CSMD1: variants seen among roughly 807,000 people sequenced by gnomAD.
CSMD1 encodes CUB and Sushi multiple domains 1.
A neutral mutation model predicts 417.5 loss-of-function variants in CSMD1; 213 were observed. That is an observed-to-expected ratio of 0.51 (90% CI 0.46 to 0.57). CSMD1 has a LOEUF of 0.57. Ranked by LOEUF, CSMD1 falls within the 20% of genes least tolerant of loss-of-function variation. CSMD1 has a pLI of 0.00. For synonymous variants in CSMD1, 2,862 were observed against 1,736.8 expected, an observed-to-expected ratio of 1.65 and a Z score of -16.11; for missense variants, 6,923 against 4,529.7, an observed-to-expected ratio of 1.53 and a Z score of -15.17.
rs1234360138 is a variant in CSMD1, at chr8:4,958,941, G to T, written c.85+35391C>A. ...GAAAAAAATATAAGCAGCTGCCTTTGCTTCCTTAGGTCTTGTGAGAATTAC... is the reference window on the plus strand; with the variant it reads ...GAAAAAAATATAAGCAGCTGCCTTTTCTTCCTTAGGTCTTGTGAGAATTAC... On this transcript the variant is annotated intron_variant, in intron 1 of 69. Coordinates refer to ENST00000635120, the MANE Select transcript of CSMD1 (RefSeq NM_033225.6). 3.3e-5 allele frequency among the ~76,000 whole-genome samples: 5 copies of T among 152,228 alleles called. No homozygotes were observed. The East Asian group carries it at 5.8e-4, about 18-fold the overall frequency.
At chr8:4,658,896 C>G (rs1229508040) in intron 1 of CSMD1, among the ~76,000 whole-genome samples, 1 of 151,954 alleles carries the variant, frequency 6.6e-6, no homozygotes, top group Non-Finnish European at 1.5e-5. Context: ...CACAACTTTT[C>G]TATGTTATTG....
chr8:3,988,171 T>A (rs1814479229), intron 5 of CSMD1, among the ~76,000 whole-genome samples: 1 of 152,116 alleles, frequency 6.6e-6, no homozygotes, highest in Non-Finnish European at 1.5e-5. Flanking sequence ...GAAAACTAAA[T>A]CAGAGTCTCT....
chr8:3,698,974 C>T (rs1034887596), intron 7 of CSMD1, among the ~76,000 whole-genome samples: 13 of 152,166 alleles, frequency 8.5e-5, no homozygotes, highest in African/African-American at 2.4e-4. Flanking sequence ...GATGAAGGTC[C>T]TCACTCCATT....
At position 3,007,713 on chromosome 8, in the gene CSMD1, C is replaced by G. The variant is rs189206226; in HGVS notation, c.8030-7582G>C. On this transcript the variant is annotated intron_variant, in intron 52 of 69. Transcript: ENST00000635120. ...GCATATTCTCACTCATAGGTGGGAA[C>G]TGAACAGTGAGATCACATGGACACA... Among the ~76,000 whole-genome samples, 102 of 142,550 alleles carry G rather than the reference C, an allele frequency of 7.2e-4. 1 individual carries two copies. The highest frequency in any genetic ancestry group is 2.6e-3 in the African/African-American group (99 of 38,320). 93.5% of individuals were successfully genotyped at this position (142,550 alleles called of 152,430 possible). A position where few individuals can be genotyped will look rare whatever the true frequency, so the allele number is the denominator to read the frequency against.
chr8:4,069,860 C>T (rs1585246953), intron 3 of CSMD1, among the ~76,000 whole-genome samples: 1 of 152,078 alleles, frequency 6.6e-6, no homozygotes, highest in South Asian at 2.1e-4. Context: ...AGTCTTCTAT[C>T]CGGTACTGCA....
At chr8:3,335,406 G>T (rs1430739619) in intron 23 of CSMD1, among the ~76,000 whole-genome samples, 4 of 152,190 alleles carry the variant, frequency 2.6e-5, no homozygotes, top group African/African-American at 7.2e-5. Flanking sequence ...GGCCAGGCAT[G>T]GTGGCTCACG....
At position 4,101,386 on chromosome 8, in the gene CSMD1, G is replaced by C. The variant is rs574336517; in HGVS notation, c.416-69287C>G. On this transcript the variant is annotated intron_variant, in intron 3 of 69. Coordinates refer to ENST00000635120, the MANE Select transcript of CSMD1 (RefSeq NM_033225.6). ...ACATTCCATCTGGGGCCCTGACAAC[G>C]ATCCCACTCAGGTTGGTTGGGCAGG... Among the ~76,000 whole-genome samples the C allele has an allele frequency of 2.0e-5, 3 of 152,208 alleles. No homozygotes were observed. The East Asian group carries it at 5.8e-4, about 29-fold the overall frequency.
chr8:4,316,748 G>C (rs1480371441), intron 3 of CSMD1, among the ~76,000 whole-genome samples: 2 of 152,082 alleles, frequency 1.3e-5, no homozygotes, highest in East Asian at 3.9e-4. Context: ...ATAAGAAAGT[G>C]GTCGAACGCC....
chr8:4,451,820 C>G (rs1799164378), intron 2 of CSMD1, among the ~76,000 whole-genome samples: 1 of 151,952 alleles, frequency 6.6e-6, no homozygotes, highest in Non-Finnish European at 1.5e-5. Context: ...GGGCTCTTAC[C>G]ACAGTGAGTT....
chr8:3,475,385 C>T (rs7005050), intron 11 of CSMD1, among the ~76,000 whole-genome samples: 89,765 of 151,958 alleles, frequency 0.59, 27,184 homozygotes, highest in Middle Eastern at 0.73. Context: ...TATAAATTAA[C>T]CTACACTGTA....
chr8:4,217,431 T>C (rs911909391), intron 3 of CSMD1, among the ~76,000 whole-genome samples: 1 of 152,146 alleles, frequency 6.6e-6, no homozygotes, highest in Non-Finnish European at 1.5e-5. Flanking sequence ...ATAATGGTGA[T>C]ATAAGACACG....
At chr8:4,417,117 A>G (rs1441876246) in intron 3 of CSMD1, among the ~76,000 whole-genome samples, 1 of 152,092 alleles carries the variant, frequency 6.6e-6, no homozygotes, top group Non-Finnish European at 1.5e-5. Context: ...TAATTTGAAT[A>G]TATACACTTA....
At chr8:4,462,795 T>G (rs577995380) in intron 2 of CSMD1, among the ~76,000 whole-genome samples, 20 of 150,256 alleles carry the variant, frequency 1.3e-4, no homozygotes, top group African/African-American at 5.1e-4. Flanking sequence ...GGGTACCCCT[T>G]CCTTACACTA....
intron 1 of CSMD1, among the ~76,000 whole-genome samples, chr8:4,674,928 C>G (rs769510810): frequency 6.6e-6 from 1 of 152,080 alleles, no homozygotes; most frequent in Non-Finnish European, 1.5e-5. Flanking sequence ...AGAAGAGATG[C>G]TAGAGAGGCT....
intron 6 of CSMD1, among the ~76,000 whole-genome samples, chr8:3,743,088 G>A (rs931434290): frequency 8.5e-5 from 13 of 152,140 alleles, no homozygotes; most frequent in African/African-American, 1.4e-4. Flanking sequence ...CCATCTCACT[G>A]CTGGATAAAC....
intron 50 of CSMD1, among the ~76,000 whole-genome samples, chr8:3,049,077 A>G (rs1811646804): frequency 6.6e-6 from 1 of 152,174 alleles, no homozygotes; most frequent in Non-Finnish European, 1.5e-5. Context: ...AGACACTGAT[A>G]GCACCAGATG....
rs183756269 is a variant in CSMD1, at chr8:3,383,079, G to C, written c.2782+4415C>G. 6.3e-5 allele frequency among the ~76,000 whole-genome samples: 9 copies of C among 143,000 alleles called. No homozygotes were observed. The East Asian group carries it at 1.8e-3, about 28-fold the overall frequency. 93.8% of individuals were successfully genotyped at this position (143,000 alleles called of 152,430 possible). ...GCCAGATTGGAGAAGAAATGGATCT[G>C]GACACTACATCGTTCCTTACCACAA... On this transcript the variant is annotated intron_variant, in intron 18 of 69. Coordinates refer to ENST00000635120, the MANE Select transcript of CSMD1 (RefSeq NM_033225.6).
At chr8:4,561,690 A>T (rs535609048) in intron 2 of CSMD1, among the ~76,000 whole-genome samples, 1 of 152,330 alleles carries the variant, frequency 6.6e-6, no homozygotes, top group East Asian at 1.9e-4. Context: ...AAAAGAAGAA[A>T]AAAAGAGAGA....
intron 5 of CSMD1, among the ~76,000 whole-genome samples, chr8:3,990,848 G>A (rs1038550092): frequency 1.3e-5 from 2 of 152,150 alleles, no homozygotes; most frequent in Non-Finnish European, 2.9e-5. Flanking sequence ...ATCAGAGAGT[G>A]CAGCTGCCCC....
Sources: allele counts gnomAD v4.1 joint callset (sites outside exome capture counted in the v4.1 genomes callset), GRCh38; gene constraint gnomAD v4.1.1; transcripts MANE v1.5; gene names NCBI Gene and HGNC (gene_info 2026-07-23, HGNC 2026-07-21).